Variants in STK32B observed in about 807,000 individuals in gnomAD.
STK32B encodes the protein serine/threonine kinase 32B.
STK32B carries 43 observed loss-of-function variants against 52.6 expected under a neutral mutation model. The observed-to-expected ratio is 0.82, with a 90% confidence interval of 0.64 to 1.05. The LOEUF is 1.05. STK32B is among the 50% of genes least tolerant of loss of function. The pLI is 0.00. For synonymous variants in STK32B, 238 were observed against 204.3 expected (o/e 1.17, Z -1.41); for missense variants, 621 against 534.6 (o/e 1.16, Z -1.59).
chr4:5,030,701 G>A, the STK32B span, among the ~76,000 whole-genome samples: 2 of 152,192 alleles, frequency 1.3e-5, no homozygotes, highest in Non-Finnish European at 2.9e-5. Flanking sequence ...TGGAGCCCAG[G>A]TTCAAACCTA....
chr4:5,190,339 G>A (rs1045461113), intron 3 of STK32B, among the ~76,000 whole-genome samples: 6 of 152,136 alleles, frequency 3.9e-5, no homozygotes, highest in East Asian at 1.9e-4. Context: ...CATCTCATTC[G>A]TTCTTCACCA....
chr4:5,291,725 C>T (rs1728901843), intron 3 of STK32B, among the ~76,000 whole-genome samples: 1 of 152,082 alleles, frequency 6.6e-6, no homozygotes, highest in South Asian at 2.1e-4. Context: ...TGTTTTGTTC[C>T]TGATCTTAAG....
intron 4 of STK32B, among the ~76,000 whole-genome samples, chr4:5,360,701 G>A (rs1006937017): frequency 6.6e-6 from 1 of 152,172 alleles, no homozygotes; most frequent in African/African-American, 2.4e-5. Context: ...AGCTACTCGG[G>A]AGGCTGAGGC....
At chr4:5,205,717 T>C (rs1285927603) in intron 3 of STK32B, among the ~76,000 whole-genome samples, 23 of 151,576 alleles carry the variant, frequency 1.5e-4, no homozygotes, top group South Asian at 4.2e-4. Context: ...TGTGTGTGTG[T>C]GTGTGTGTGT....
At chr4:5,331,121 C>A in intron 3 of STK32B, 99 bp from the exon 4 acceptor site, 4 of 1,228,154 alleles carry the variant, frequency 3.3e-6, no homozygotes, top group Non-Finnish European at 4.5e-6. Flanking sequence ...GTGCCTCTCT[C>A]TGAGCCTCAG....
At chr4:5,318,224 T>G (rs1442766639) in intron 3 of STK32B, among the ~76,000 whole-genome samples, 1 of 152,004 alleles carries the variant, frequency 6.6e-6, no homozygotes, top group Non-Finnish European at 1.5e-5. Flanking sequence ...TAGGGATAAA[T>G]GTTATGAAGA....
chr4:5,318,427 C>T (rs980093886), intron 3 of STK32B, among the ~76,000 whole-genome samples: 10 of 151,580 alleles, frequency 6.6e-5, no homozygotes, highest in African/African-American at 2.4e-4. Context: ...AAGATCTCAA[C>T]CCTGGAACAG....
At chr4:5,336,857 C>T (rs185517890) in intron 4 of STK32B, among the ~76,000 whole-genome samples, 14 of 152,252 alleles carry the variant, frequency 9.2e-5, no homozygotes, top group African/African-American at 2.9e-4. Context: ...ACGAAGGGCA[C>T]GGAGCAATGG....
intron 1 of STK32B, among the ~76,000 whole-genome samples, chr4:5,100,839 C>A (rs543345483): frequency 3.6e-4 from 41 of 113,290 alleles, no homozygotes; most frequent in African/African-American, 1.2e-3. Context: ...TCCTTCCTTT[C>A]TTTTCTTCCA....
intron 1 of STK32B, among the ~76,000 whole-genome samples, chr4:5,138,228 G>A (rs1319238058): frequency 6.6e-6 from 1 of 152,168 alleles, no homozygotes; most frequent in Non-Finnish European, 1.5e-5. Flanking sequence ...AGCACGTTAG[G>A]CATTCGACCT....
At chr4:5,149,188 CAT>C (rs1335253273) in intron 2 of STK32B, among the ~76,000 whole-genome samples, 4 of 151,822 alleles carry the variant, frequency 2.6e-5, no homozygotes, top group African/African-American at 7.2e-5. Flanking sequence ...GTTTCCATGA[CAT>C]ATGTTTTTCT....
At chr4:5,052,862 T>TA (rs2108751348) in intron 1 of STK32B, among the ~76,000 whole-genome samples, 1 of 152,328 alleles carries the variant, frequency 6.6e-6, no homozygotes, top group African/African-American at 2.4e-5. Flanking sequence ...ACTGAGCACT[T>TA]ACTATGTTCC....
At chr4:5,298,211 G>T (rs983550445) in intron 3 of STK32B, among the ~76,000 whole-genome samples, 3 of 152,176 alleles carry the variant, frequency 2.0e-5, no homozygotes, top group African/African-American at 7.2e-5. Context: ...CCTGTATAAG[G>T]TGTCTGTCGA....
At chr4:5,216,559 G>C (rs547513875) in intron 3 of STK32B, among the ~76,000 whole-genome samples, 1 of 152,192 alleles carries the variant, frequency 6.6e-6, no homozygotes, top group Non-Finnish European at 1.5e-5. Context: ...TTGTACGACT[G>C]AAAAGAGGAG....
At chr4:5,382,559 G>A (rs1247223350) in intron 4 of STK32B, among the ~76,000 whole-genome samples, 1 of 151,974 alleles carries the variant, frequency 6.6e-6, no homozygotes, top group Non-Finnish European at 1.5e-5. Context: ...CTGTGGTCAG[G>A]GGTCCCGCTC....
intron 6 of STK32B, among the ~76,000 whole-genome samples, chr4:5,446,012 T>C (rs1229859005): frequency 2.0e-5 from 3 of 152,198 alleles, no homozygotes; most frequent in Non-Finnish European, 4.4e-5. Context: ...TCTGTTCCTC[T>C]TCCTCACTCT....
intron 7 of STK32B, among the ~76,000 whole-genome samples, chr4:5,456,327 C>G (rs1560429449): frequency 6.6e-6 from 1 of 152,228 alleles, no homozygotes; most frequent in Non-Finnish European, 1.5e-5. Context: ...TCCCTCAGCC[C>G]AACCACACCC....
intron 1 of STK32B, among the ~76,000 whole-genome samples, chr4:5,093,673 T>G (rs1227458732): frequency 6.6e-6 from 1 of 152,094 alleles, no homozygotes; most frequent in Non-Finnish European, 1.5e-5. Context: ...GTAACTAACC[T>G]GCACGTTGTG....
upstream of STK32B, among the ~76,000 whole-genome samples, chr4:5,048,977 G>A (rs1741667819): frequency 6.6e-6 from 1 of 152,194 alleles, no homozygotes; most frequent in Non-Finnish European, 1.5e-5. Flanking sequence ...GCACAGAGCT[G>A]GACATGCAGA....
Sources: allele counts gnomAD v4.1 joint callset (sites outside exome capture counted in the v4.1 genomes callset), GRCh38; gene constraint gnomAD v4.1.1; transcripts MANE v1.5; gene names NCBI Gene and HGNC (gene_info 2026-07-23, HGNC 2026-07-21).